PHACTR2: variants seen among roughly 807,000 people sequenced by gnomAD.
PHACTR2 encodes the protein phosphatase and actin regulator 2, also known as chromosome 6 open reading frame 56.
Under a neutral mutation model 76.0 loss-of-function variants are expected in PHACTR2, and 30 were observed. That is an observed-to-expected ratio of 0.39 (90% CI 0.30 to 0.54). The LOEUF (loss-of-function observed/expected upper bound fraction) is 0.54. Among genes scored for constraint, PHACTR2 ranks in the 20% least tolerant of loss-of-function variants. PHACTR2 has a pLI of 0.61. For missense variants in PHACTR2, 696 were observed against 781.1 expected, an observed-to-expected ratio of 0.89 and a Z score of 1.30; for synonymous variants, 292 against 292.5, an observed-to-expected ratio of 1.00 and a Z score of 0.02.
intron 11 of PHACTR2, among the ~76,000 whole-genome samples, chr6:143,805,659 C>G (rs1039350521): frequency 6.6e-6 from 1 of 152,188 alleles, no homozygotes; most frequent in Non-Finnish European, 1.5e-5. Flanking sequence ...AGCCATGTCA[C>G]AGAGGACTCA....
chr6:143,817,830 G>C (rs1776332377), intron 12 of PHACTR2, among the ~76,000 whole-genome samples: 2 of 152,318 alleles, frequency 1.3e-5, no homozygotes, highest in South Asian at 4.1e-4. Flanking sequence ...GAGTAGACTA[G>C]TGGTTATTAG....
At chr6:143,749,365 C>T (rs1382119053) in intron 3 of PHACTR2, among the ~76,000 whole-genome samples, 1 of 152,212 alleles carries the variant, frequency 6.6e-6, no homozygotes, top group Non-Finnish European at 1.5e-5. Flanking sequence ...GGCTCCTTCT[C>T]TTCTCTATTC....
rs1451443325 is a variant in PHACTR2 at position 143,652,696 on chromosome 6, G to A, written c.13+44374G>A. On this transcript the variant is annotated intron_variant, in intron 1 of 11. Transcript: ENST00000305766. The surrounding 1 kb of genome is among the most constrained non-coding windows in gnomAD (Gnocchi z 4.5). ...TGTACCATCCTTGAGTAGGCAAGAAGAGCTGAGATTTCACCAGAAACAGTG... is the reference window on the plus strand; with the variant it reads ...TGTACCATCCTTGAGTAGGCAAGAAAAGCTGAGATTTCACCAGAAACAGTG... Among the ~76,000 whole-genome samples the A allele has an allele frequency of 1.3e-5, 2 of 152,254 alleles. No homozygotes were observed. Among genetic ancestry groups the A allele is most frequent in the Non-Finnish European group, 2.9e-5 (2 of 68,046 alleles).
intron 1 of PHACTR2, among the ~76,000 whole-genome samples, chr6:143,622,038 A>G (rs1776163425): frequency 6.6e-6 from 1 of 152,194 alleles, no homozygotes; most frequent in Non-Finnish European, 1.5e-5. Context: ...GATAGTACAC[A>G]GACCCCACTG....
chr6:143,620,070 G>T (rs1235005574), intron 1 of PHACTR2, among the ~76,000 whole-genome samples: 2 of 152,156 alleles, frequency 1.3e-5, no homozygotes, highest in Non-Finnish European at 2.9e-5. Context: ...ATAACTGTAT[G>T]ACTGTGACGA....
intron 6 of PHACTR2, among the ~76,000 whole-genome samples, chr6:143,771,194 G>T (rs374861199): frequency 2.5e-5 from 1 of 40,478 alleles, no homozygotes; most frequent in Non-Finnish European, 4.6e-5. Context: ...ATATATGTGT[G>T]TATATATATA....
rs1017628413 is a variant in PHACTR2 at position 143,610,788 on chromosome 6, T to G, written c.13+2466T>G. 6.6e-6 allele frequency among the ~76,000 whole-genome samples: 1 copy of G among 152,198 alleles called. No individual in the cohort carries two copies. Among genetic ancestry groups the G allele is most frequent in the African/African-American group, 2.4e-5 (1 of 41,450 alleles). The stretch of plus-strand genomic sequence containing the variant: ...AGAAGGAGACATCCCTTCCCCATAA[T>G]TGCTGGCTTCTGTATTCCTTTAAAA... On this transcript the variant is annotated intron_variant, in intron 1 of 11. Coordinates refer to the PHACTR2 transcript ENST00000305766. This position sits in a 1 kb window ranked among gnomAD's most constrained non-coding sequence, Gnocchi z 4.9.
rs1775177563 is a variant in PHACTR2 at position 143,556,557 on chromosome 6, T to A, written c.217+19350T>A. Among the ~76,000 whole-genome samples the A allele has an allele frequency of 6.6e-6, 1 of 152,184 alleles. No individual in the cohort carries two copies. The highest frequency in any genetic ancestry group is 2.1e-4 in the South Asian group (1 of 4,828). On this transcript the variant is annotated intron_variant, in intron 1 of 11. Transcript: ENST00000367584. The surrounding 1 kb of genome is among the most constrained non-coding windows in gnomAD (Gnocchi z 4.3). ...ATGAGAAAAAATATTTTGAGAAAAG[T>A]TGACTAGCTCCTCTGCAGTGACAGC...
chr6:143,704,433 C>A (rs1276193685), intron 1 of PHACTR2, among the ~76,000 whole-genome samples: 1 of 152,140 alleles, frequency 6.6e-6, no homozygotes, highest in Non-Finnish European at 1.5e-5. Flanking sequence ...TGGTAAAAGA[C>A]AGTAGGCACC....
chr6:143,690,424 T>C (rs910132377), intron 1 of PHACTR2, among the ~76,000 whole-genome samples: 7 of 152,012 alleles, frequency 4.6e-5, no homozygotes, highest in Non-Finnish European at 1.0e-4. Context: ...TTTTTCTGGG[T>C]CTATTTCCTT....
Position 143,824,573 on chromosome 6 carries a change from A to G in PHACTR2, c.*884A>G, listed in dbSNP as rs1776495883. On this transcript the variant is annotated 3_prime_UTR_variant, in exon 13 of 13. Coordinates refer to ENST00000440869, the MANE Select transcript of PHACTR2 (RefSeq NM_001100164.2). The surrounding 1 kb of genome is among the most constrained non-coding windows in gnomAD (Gnocchi z 6.3). The stretch of plus-strand genomic sequence containing the variant: ...GAAATAAATCTTTTGATCTTTCCCT[A>G]TCTTGATTAGATCCAAAGTCAAAGC... The G allele has an allele frequency of 2.0e-5, 3 of 152,636 alleles. No individual in the cohort carries two copies. The South Asian group carries it at 6.2e-4, about 32-fold the overall frequency. The allele number at this position is 152,636 out of a possible 1,614,324, so 9.5% of individuals were successfully genotyped here.
intron 3 of PHACTR2, 118 bp downstream of exon 3, chr6:143,749,183 G>A: frequency 1.6e-6 from 1 of 609,106 alleles, no homozygotes; most frequent in Non-Finnish European, 3.0e-6. Flanking sequence ...GGTGATTACT[G>A]CATTCCAAGC....
Position 143,765,202 on chromosome 6 carries a change from C to A in PHACTR2, c.695-59C>A. The A allele has an allele frequency of 7.3e-7, 1 of 1,372,228 alleles. No homozygotes were observed. Among genetic ancestry groups the A allele is most frequent in the Non-Finnish European group, 1.0e-6 (1 of 996,326 alleles). 85.0% of individuals were successfully genotyped at this position (1,372,228 alleles called of 1,614,324 possible). ...GTTGTTGACAGTTACACCTTGGTTA[C>A]TTTATTTTAAAAAGCATTGTATTCT... is the stretch of plus-strand genomic sequence containing the variant. On this transcript the variant is annotated intron_variant, in intron 5 of 12. Transcript: ENST00000440869. This position sits in a 1 kb window ranked among gnomAD's most constrained non-coding sequence, Gnocchi z 4.1.
At position 143,755,613 on chromosome 6, in the gene PHACTR2, T is replaced by C. The variant is rs1465611731; in HGVS notation, c.454+1701T>C. ...TTAGTACATTCAATTCTTCCTTATC[T>C]GATAAGGTCCAAGAGAGCCTGTTGC... On this transcript the variant is annotated intron_variant, in intron 4 of 12. Transcript: ENST00000440869. The surrounding 1 kb of genome is among the most constrained non-coding windows in gnomAD (Gnocchi z 5.2). 3.5e-6 allele frequency: 1 copy of C among 285,714 alleles called. No individual in the cohort carries two copies. Among genetic ancestry groups the C allele is most frequent in the Non-Finnish European group, 7.0e-6 (1 of 143,804 alleles). 17.7% of individuals were successfully genotyped at this position (285,714 alleles called of 1,614,324 possible).
intron 1 of PHACTR2, among the ~76,000 whole-genome samples, chr6:143,670,926 G>A (rs1282712879): frequency 7.7e-6 from 1 of 130,064 alleles, no homozygotes; most frequent in Non-Finnish European, 1.6e-5. Flanking sequence ...GAAGGCCAAG[G>A]CCTTTTTTTT....
intron 9 of PHACTR2, among the ~76,000 whole-genome samples, chr6:143,779,208 C>T (rs1031821878): frequency 4.6e-5 from 7 of 152,124 alleles, no homozygotes; most frequent in African/African-American, 1.7e-4. Flanking sequence ...CTCTACTCAG[C>T]CCGTTTGTGT....
rs1261709172 is a variant in PHACTR2 at position 143,580,503 on chromosome 6, CAAAA to C, written c.217+43297_217+43300del. Among the ~76,000 whole-genome samples the C allele has an allele frequency of 7.5e-6, 1 of 133,344 alleles. No individual in the cohort carries two copies. Among genetic ancestry groups the C allele is most frequent in the Non-Finnish European group, 1.6e-5 (1 of 61,952 alleles). The allele number at this position is 133,344 out of a possible 152,430, so 87.5% of individuals were successfully genotyped here. A position where few individuals can be genotyped will look rare whatever the true frequency, so the allele number is the denominator to read the frequency against. On this transcript the variant is annotated intron_variant, in intron 1 of 11. Transcript: ENST00000367584. This position sits in a 1 kb window ranked among gnomAD's most constrained non-coding sequence, Gnocchi z 4.2. ...CCGTCTCAAACAAAACAAAACAAAA[CAAAA>C]CAAAAAATACAAACAATTAGCTGGG...
chr6:143,708,693 G>A lies in PHACTR2; in HGVS notation c.47-3323G>A, dbSNP rs6918150. Among the ~76,000 whole-genome samples, 11,555 of 152,218 alleles carry A rather than the reference G, an allele frequency of 0.076. 1,294 individuals carry two copies. Among genetic ancestry groups the A allele is most frequent in the African/African-American group, 0.25 (10,283 of 41,482 alleles). On this transcript the variant is annotated intron_variant, in intron 1 of 12. Transcript: ENST00000440869. The surrounding 1 kb of genome is among the most constrained non-coding windows in gnomAD (Gnocchi z 5.5). ...AATATTCTGCCCATACTACTCAAAAGCAGATGACAGTGGTCCTCACATTCA... is the reference window on the plus strand; with the variant it reads ...AATATTCTGCCCATACTACTCAAAAACAGATGACAGTGGTCCTCACATTCA...
chr6:143,807,175 A>T lies in PHACTR2; in HGVS notation c.1922+42A>T, dbSNP rs770685029. Reference sequence around the variant, plus strand: ...AGCTTAGAAATTGAAAATGCTTAAGATGTGATCCCATGTTGAGTTGGTTAA... The same window carrying T: ...AGCTTAGAAATTGAAAATGCTTAAGTTGTGATCCCATGTTGAGTTGGTTAA... On this transcript the variant is annotated intron_variant, in intron 12 of 12. Transcript: ENST00000440869. The surrounding 1 kb of genome is among the most constrained non-coding windows in gnomAD (Gnocchi z 5.5). 8.9e-7 allele frequency: 1 copy of T among 1,128,594 alleles called. No homozygotes were observed. The highest frequency in any genetic ancestry group is 1.3e-6 in the Non-Finnish European group (1 of 753,198). The allele number at this position is 1,128,594 out of a possible 1,614,324, so 69.9% of individuals were successfully genotyped here. A position where few individuals can be genotyped will look rare whatever the true frequency, so the allele number is the denominator to read the frequency against.
Sources: gnomAD v4.1 joint callset for allele counts (sites outside exome capture counted in the v4.1 genomes callset) on GRCh38, gnomAD v4.1.1 for gene constraint, Gnocchi (gnomAD v3.1) non-coding constraint, MANE v1.5 for transcripts, NCBI Gene and HGNC (gene_info 2026-07-23, HGNC 2026-07-21) for gene names.